Variants in LIMK2 observed in about 807,000 individuals in gnomAD.
LIMK2 encodes LIM domain kinase 2.
In LIMK2, 35 loss-of-function variants were observed where a neutral mutation model predicts 75.7. The observed-to-expected ratio is 0.46, with a 90% CI of 0.35 to 0.61. The LOEUF (loss-of-function observed/expected upper bound fraction) is 0.61. Ranked by LOEUF, LIMK2 falls within the 20% of genes least tolerant of loss-of-function variation. The pLI, the probability that LIMK2 is intolerant of heterozygous loss-of-function variation, is 0.00. For missense variants in LIMK2, 623 were observed against 831.0 expected (o/e 0.75, Z 3.08); for synonymous variants, 301 against 319.2 (o/e 0.94, Z 0.61).
At chr22:31,216,545 T>C (rs541625974) in intron 1 of LIMK2, among the ~76,000 whole-genome samples, 1 of 152,110 alleles carries the variant, frequency 6.6e-6, no homozygotes, top group Non-Finnish European at 1.5e-5. Flanking sequence ...TAGTGGGCCC[T>C]GAGATGAGGT....
intron 2 of LIMK2, among the ~76,000 whole-genome samples, chr22:31,248,995 C>T (rs1309163395): frequency 1.3e-5 from 2 of 152,166 alleles, no homozygotes; most frequent in Non-Finnish European, 2.9e-5. Flanking sequence ...TTAGGGAGCT[C>T]CAGCTCCCCT....
At chr22:31,213,833 T>C (rs1461901601) in intron 1 of LIMK2, among the ~76,000 whole-genome samples, 1 of 143,296 alleles carries the variant, frequency 7.0e-6, no homozygotes, top group Non-Finnish European at 1.5e-5. Flanking sequence ...TTTTTTTTTC[T>C]TAGATGGAGT....
intron 2 of LIMK2, among the ~76,000 whole-genome samples, chr22:31,226,760 C>T (rs2123777187): frequency 1.3e-5 from 2 of 152,340 alleles, no homozygotes; most frequent in Admixed American, 1.3e-4. Context: ...CAGGCACCTG[C>T]CACCACGCCC....
At chr22:31,259,757 G>T in intron 4 of LIMK2, 132 bp from the exon 5 acceptor site, 1 of 747,104 alleles carries the variant, frequency 1.3e-6, no homozygotes, top group Non-Finnish European at 2.0e-6. Context: ...TGAGCAGCCA[G>T]CTAGAATCAT....
At chr22:31,224,458 G>C (rs1422658926) in intron 1 of LIMK2, among the ~76,000 whole-genome samples, 1 of 152,200 alleles carries the variant, frequency 6.6e-6, no homozygotes, top group Non-Finnish European at 1.5e-5. Context: ...GCTTTAGAAT[G>C]AGCCAGACCT....
At chr22:31,216,208 G>C (rs1266687936) in intron 1 of LIMK2, among the ~76,000 whole-genome samples, 1 of 152,202 alleles carries the variant, frequency 6.6e-6, no homozygotes, top group Non-Finnish European at 1.5e-5. Context: ...CTTGAAGTGG[G>C]TAAGACTTGA....
chr22:31,258,538 C>A, intron 3 of LIMK2, 112 bp downstream of exon 3: 1 of 1,068,616 alleles, frequency 9.4e-7, no homozygotes, highest in South Asian at 1.6e-5. Flanking sequence ...CAGGGCATCT[C>A]CCTTTATTTA....
At chr22:31,228,762 A>G (rs2048500209) in intron 2 of LIMK2, among the ~76,000 whole-genome samples, 1 of 152,034 alleles carries the variant, frequency 6.6e-6, no homozygotes, top group Non-Finnish European at 1.5e-5. Context: ...CCAACATGGC[A>G]AAACTCCACC....
chr22:31,261,944 A>G (rs2048844477), intron 5 of LIMK2, among the ~76,000 whole-genome samples, 190 bp from the exon 6 acceptor site: 1 of 152,248 alleles, frequency 6.6e-6, no homozygotes, highest in Non-Finnish European at 1.5e-5. Flanking sequence ...CTTAGGCCAC[A>G]GGGTGAGTGG....
intron 1 of LIMK2, among the ~76,000 whole-genome samples, chr22:31,213,946 G>T (rs2123756039): frequency 6.6e-6 from 1 of 151,964 alleles, no homozygotes; most frequent in African/African-American, 2.4e-5. Context: ...CTCCCGAGTA[G>T]CTGGGACAAC....
At chr22:31,273,771 C>T (rs1269896733) in intron 14 of LIMK2, among the ~76,000 whole-genome samples, 1 of 152,170 alleles carries the variant, frequency 6.6e-6, no homozygotes, top group African/African-American at 2.4e-5. Context: ...AATCTGGGCT[C>T]ACTGCAACCT....
In LIMK2 at chr22:31,212,311, T is replaced by C; in HGVS notation, c.-98T>C. The C allele has an allele frequency of 8.0e-7, 1 of 1,246,646 alleles. No individual in the cohort carries two copies. Among genetic ancestry groups the C allele is most frequent in the Non-Finnish European group, 1.0e-6 (1 of 973,162 alleles). The allele number at this position is 1,246,646 out of a possible 1,614,324, so 77.2% of individuals were successfully genotyped here. A position where few individuals can be genotyped will look rare whatever the true frequency, so the allele number is the denominator to read the frequency against. On this transcript the variant is annotated 5_prime_UTR_variant, in exon 1 of 16. Coordinates refer to ENST00000331728, the MANE Select transcript of LIMK2 (RefSeq NM_005569.4). Reference sequence around the variant, plus strand: ...CCTGGGGCTGTGGTCTTCCCGCGCCTGAGGCGGCGGCGGCAGGAGCTGAGG... The same window carrying C: ...CCTGGGGCTGTGGTCTTCCCGCGCCCGAGGCGGCGGCGGCAGGAGCTGAGG...
In LIMK2 at chr22:31,228,962, GA is replaced by G. The variant is rs3216414; in HGVS notation, c.116+3153del. Among the ~76,000 whole-genome samples, 7 of 148,246 alleles carry G rather than the reference GA, an allele frequency of 4.7e-5. No homozygotes were observed. The South Asian group carries it at 8.5e-4, about 18-fold the overall frequency. The stretch of plus-strand genomic sequence containing the variant: ...ACCCCTGTCTCAAAACAAAACAAAT[GA>G]AAAAAAAAACCCTTAATAATCAGTA... On this transcript the variant is annotated intron_variant, in intron 2 of 15. Transcript: ENST00000331728.
At chr22:31,260,832 TG>T (rs2048830724) in intron 5 of LIMK2, among the ~76,000 whole-genome samples, 1 of 152,182 alleles carries the variant, frequency 6.6e-6, no homozygotes, top group Non-Finnish European at 1.5e-5. Flanking sequence ...GTCTTAATCA[TG>T]TCTGATGTAG....
At chr22:31,248,657 G>T in intron 2 of LIMK2, 2 of 1,613,824 alleles carry the variant, frequency 1.2e-6, no homozygotes, top group South Asian at 1.1e-5. Context: ...ATCTACAGCC[G>T]GCCTGAGGCA....
intron 2 of LIMK2, chr22:31,248,596 A>G: frequency 6.2e-7 from 1 of 1,608,404 alleles, no homozygotes; most frequent in Non-Finnish European, 8.5e-7. Context: ...AGCTCAGGGC[A>G]GCCTGCCTGC....
chr22:31,273,870 G>A (rs1437584665), intron 14 of LIMK2, among the ~76,000 whole-genome samples: 1 of 151,844 alleles, frequency 6.6e-6, no homozygotes, highest in African/African-American at 2.4e-5. Context: ...GCTAATTTTT[G>A]TATTTTTAGT....
At chr22:31,251,787 G>A (rs1360406766) in intron 2 of LIMK2, among the ~76,000 whole-genome samples, 8 of 151,836 alleles carry the variant, frequency 5.3e-5, no homozygotes, top group African/African-American at 1.9e-4. Context: ...ATGGAACAGA[G>A]TCTCTCTAGG....
At chr22:31,246,432 C>T (rs2048671004) in intron 2 of LIMK2, among the ~76,000 whole-genome samples, 1 of 151,838 alleles carries the variant, frequency 6.6e-6, no homozygotes, top group Non-Finnish European at 1.5e-5. Context: ...AGCCATGTCC[C>T]TTAGTTTATG....
Sources: gnomAD v4.1 joint callset for allele counts (sites outside exome capture counted in the v4.1 genomes callset) on GRCh38, gnomAD v4.1.1 for gene constraint, MANE v1.5 for transcripts, NCBI Gene and HGNC (gene_info 2026-07-23, HGNC 2026-07-21) for gene names.